RPH3A: variants seen among roughly 807,000 people sequenced by gnomAD.
The protein encoded by RPH3A is rabphilin 3A, also known as rabphilin-3A.
Under a neutral mutation model 102.2 loss-of-function variants are expected in RPH3A, and 48 were observed. That is an observed-to-expected ratio of 0.47 (90% CI 0.37 to 0.60). RPH3A has a LOEUF of 0.60. Among genes scored for constraint, RPH3A ranks in the 20% least tolerant of loss-of-function variants. The pLI is 0.00. For synonymous variants in RPH3A, 310 were observed against 324.3 expected (o/e 0.96, Z 0.47); for missense variants, 781 against 910.1 (o/e 0.86, Z 1.83).
At chr12:112,680,647 A>G (rs1271571957) in intron 1 of RPH3A, among the ~76,000 whole-genome samples, 2 of 151,720 alleles carry the variant, frequency 1.3e-5, no homozygotes, top group Non-Finnish European at 2.9e-5. Flanking sequence ...GCCCATTCCT[A>G]TCTCCTCCCT....
intron 1 of RPH3A, among the ~76,000 whole-genome samples, chr12:112,608,147 GCT>G (rs2039612370): frequency 6.8e-6 from 1 of 146,870 alleles, no homozygotes; most frequent in Admixed American, 6.8e-5. Flanking sequence ...GGGGAGTTGC[GCT>G]CTGTTTCCCA....
At chr12:112,749,643 C>T (rs2040772712) in intron 1 of RPH3A, among the ~76,000 whole-genome samples, 1 of 152,170 alleles carries the variant, frequency 6.6e-6, no homozygotes, top group Non-Finnish European at 1.5e-5. Flanking sequence ...CCATGCAAAG[C>T]TATATGGCAA....
rs145978724 is a variant in RPH3A, at chr12:112,785,459, A to T, written c.-139-6684A>T. ...ACATCTAAACACTGAAAAAATAAAC[A>T]TCCTTAGAATACCTAACTTCATCTT... On this transcript the variant is annotated intron_variant, in intron 1 of 21. Transcript: ENST00000543106. Among the ~76,000 whole-genome samples, 1,363 of 152,230 alleles carry T rather than the reference A, an allele frequency of 9.0e-3. 19 individuals are homozygous for T. Among genetic ancestry groups the T allele is most frequent in the African/African-American group, 0.031 (1,274 of 41,544 alleles).
At chr12:112,841,865 C>T (rs1416409103) in intron 4 of RPH3A, 1 of 451,854 alleles carries the variant, frequency 2.2e-6, no homozygotes, top group Non-Finnish European at 4.5e-6. Flanking sequence ...CACTTAAAGT[C>T]AGCTAGGTTA....
chr12:112,844,003 G>T (rs1444630207), intron 4 of RPH3A, among the ~76,000 whole-genome samples: 1 of 152,124 alleles, frequency 6.6e-6, no homozygotes, highest in Non-Finnish European at 1.5e-5. Flanking sequence ...CAACAGCATG[G>T]CACAGGCTCT....
intron 1 of RPH3A, among the ~76,000 whole-genome samples, chr12:112,730,767 A>G (rs571340237): frequency 3.5e-4 from 54 of 152,316 alleles, no homozygotes; most frequent in African/African-American, 1.3e-3. Context: ...CATTGGAAGC[A>G]GGCTCTGGCC....
intron 1 of RPH3A, among the ~76,000 whole-genome samples, chr12:112,752,287 T>C (rs180685275): frequency 2.6e-5 from 4 of 152,326 alleles, no homozygotes; most frequent in Middle Eastern, 3.4e-3. Flanking sequence ...TAGAAAGGAT[T>C]TTTTCATAAC....
intron 1 of RPH3A, among the ~76,000 whole-genome samples, chr12:112,662,822 A>G (rs548636349): frequency 6.6e-6 from 1 of 150,856 alleles, no homozygotes; most frequent in South Asian, 2.1e-4. Context: ...TAGTTGGCCA[A>G]CTCCTGCTTT....
intron 19 of RPH3A, 82 bp downstream of exon 19, chr12:112,891,085 A>T: frequency 6.6e-7 from 1 of 1,517,856 alleles, no homozygotes. Context: ...AGTTTCACCA[A>T]GATCGTTGTA....
chr12:112,718,338 C>A lies in RPH3A; in HGVS notation c.-139-73805C>A, dbSNP rs570541655. Among the ~76,000 whole-genome samples, 213 of 152,238 alleles carry A rather than the reference C, an allele frequency of 1.4e-3. 1 individual carries two copies. Among genetic ancestry groups the A allele is most frequent in the African/African-American group, 4.9e-3 (204 of 41,528 alleles). On this transcript the variant is annotated intron_variant, in intron 1 of 21. Transcript: ENST00000543106. ...GAAAGCAAATGGAATACATCAAGGG[C>A]TCCATGAATAAGTAACATTTTCATA...
chr12:112,609,074 T>G (rs1430997521), intron 1 of RPH3A, among the ~76,000 whole-genome samples: 1 of 152,184 alleles, frequency 6.6e-6, no homozygotes, highest in East Asian at 1.9e-4. Context: ...GATCTGGATG[T>G]TTCGTGAGCA....
intron 3 of RPH3A, chr12:112,831,765 C>T: frequency 2.2e-6 from 1 of 455,820 alleles, no homozygotes; most frequent in Middle Eastern, 3.3e-4. Context: ...TCTAGGTGGA[C>T]TTTGAAGGAT....
chr12:112,705,092 GTTC>G (rs1352131725), intron 1 of RPH3A, among the ~76,000 whole-genome samples: 1 of 152,150 alleles, frequency 6.6e-6, no homozygotes, highest in Admixed American at 6.5e-5. Flanking sequence ...TACCATGGGA[GTTC>G]TTCTTGATCT....
chr12:112,631,654 G>C (rs7971951), intron 1 of RPH3A, among the ~76,000 whole-genome samples: 128,616 of 151,794 alleles, frequency 0.85, 54,876 homozygotes, highest in African/African-American at 0.94. Context: ...TCTTGAGTAG[G>C]TGGGACCACA....
At chr12:112,699,803 A>G (rs1192365251) in intron 1 of RPH3A, among the ~76,000 whole-genome samples, 1 of 152,248 alleles carries the variant, frequency 6.6e-6, no homozygotes, top group Non-Finnish European at 1.5e-5. Flanking sequence ...TAAAAAGTCA[A>G]ACATGCATGA....
At chr12:112,846,871 G>A (rs1456799238) in intron 4 of RPH3A, among the ~76,000 whole-genome samples, 8 of 152,128 alleles carry the variant, frequency 5.3e-5, no homozygotes, top group Non-Finnish European at 1.0e-4. Flanking sequence ...CATTCTTTCC[G>A]TCTCATGGAG....
intron 1 of RPH3A, among the ~76,000 whole-genome samples, chr12:112,746,923 A>G (rs1592977158): frequency 6.6e-6 from 1 of 151,970 alleles, no homozygotes; most frequent in African/African-American, 2.4e-5. Context: ...CTGGGATGCC[A>G]CCTTCTTCCA....
At chr12:112,579,531 A>T (rs1200345043) in intron 1 of RPH3A, among the ~76,000 whole-genome samples, 1 of 152,176 alleles carries the variant, frequency 6.6e-6, no homozygotes, top group Non-Finnish European at 1.5e-5. Flanking sequence ...ATTAAAAAAA[A>T]ATTCTGGTAA....
rs147770797 is a variant in RPH3A at position 112,661,460 on chromosome 12, G to A, written c.-140+86141G>A. On this transcript the variant is annotated intron_variant, in intron 1 of 21. Transcript: ENST00000543106. ...TTCTGTGGAGGAAATTTGTGTAGAG[G>A]ACCTAGCAGATAACTGGCCCATAGA... 9.5e-4 allele frequency among the ~76,000 whole-genome samples: 145 copies of A among 152,262 alleles called. 1 individual carries two copies. The highest frequency in any genetic ancestry group is 3.4e-3 in the African/African-American group (143 of 41,544).
Sources: gnomAD v4.1 joint callset for allele counts (sites outside exome capture counted in the v4.1 genomes callset) on GRCh38, gnomAD v4.1.1 for gene constraint, MANE v1.5 for transcripts, NCBI Gene and HGNC (gene_info 2026-07-23, HGNC 2026-07-21) for gene names.